Variants in PLSCR2 observed in about 807,000 individuals in gnomAD.
The protein encoded by PLSCR2 is phospholipid scramblase 2.
In PLSCR2, 18 loss-of-function variants were observed where a neutral mutation model predicts 25.3. The ratio of observed to expected loss-of-function variants is 0.71; its 90% CI spans 0.49 to 1.06. The LOEUF is 1.06. Among genes scored for constraint, PLSCR2 ranks in the 50% least tolerant of loss-of-function variants. PLSCR2 has a pLI of 0.00. For missense variants in PLSCR2, 243 were observed against 269.5 expected (o/e 0.90, Z 0.69); for synonymous variants, 88 against 87.3 (o/e 1.01, Z -0.04).
At chr3:146,445,206 C>G (rs2108274603) in intron 6 of PLSCR2, among the ~76,000 whole-genome samples, 1 of 152,206 alleles carries the variant, frequency 6.6e-6, no homozygotes, top group South Asian at 2.1e-4. Flanking sequence ...ACACTACAAT[C>G]ACAGTGTTAT....
chr3:146,463,297 C>T (rs920346608), upstream of PLSCR2, among the ~76,000 whole-genome samples: 1 of 152,110 alleles, frequency 6.6e-6, no homozygotes, highest in Non-Finnish European at 1.5e-5. Flanking sequence ...CTGTCTCGGA[C>T]TCCGGAGTAG....
At chr3:146,396,800 G>A (rs980014019) in intron 2 of PLSCR2, among the ~76,000 whole-genome samples, 5 of 152,090 alleles carry the variant, frequency 3.3e-5, no homozygotes, top group African/African-American at 1.2e-4. Flanking sequence ...TATGGGAAAC[G>A]AGAAATATCA....
chr3:146,480,002 A>C (rs1180554343), intron 1 of PLSCR2, among the ~76,000 whole-genome samples: 1 of 152,212 alleles, frequency 6.6e-6, no homozygotes, highest in Admixed American at 6.5e-5. Flanking sequence ...TAAATAACAA[A>C]ATGAAGGCAA....
At chr3:146,424,299 A>G (rs1265242905) in intron 2 of PLSCR2, among the ~76,000 whole-genome samples, 3 of 151,966 alleles carry the variant, frequency 2.0e-5, no homozygotes, top group Non-Finnish European at 4.4e-5. Flanking sequence ...GAAGACACTA[A>G]CCCTTTGGGA....
chr3:146,408,166 C>T (rs760405922), intron 2 of PLSCR2, among the ~76,000 whole-genome samples: 3 of 152,120 alleles, frequency 2.0e-5, no homozygotes, highest in Admixed American at 6.5e-5. Context: ...TTGCTGCAGC[C>T]GCTACAGCTC....
At chr3:146,410,375 G>C (rs2038804558) in intron 2 of PLSCR2, among the ~76,000 whole-genome samples, 1 of 152,150 alleles carries the variant, frequency 6.6e-6, no homozygotes, top group African/African-American at 2.4e-5. Context: ...CTGCAGGGTG[G>C]CTGTTTTGAA....
upstream of PLSCR2, among the ~76,000 whole-genome samples, chr3:146,463,208 C>T (rs1281773039): frequency 1.3e-5 from 2 of 152,090 alleles, no homozygotes; most frequent in Admixed American, 6.6e-5. Context: ...TTTTTTGAGA[C>T]GGAGTCTCGC....
rs142677336 is a variant in PLSCR2 at position 146,478,735 on chromosome 3, C to T, written c.-293+17160G>A. Reference sequence around the variant, plus strand: ...CAGGCCAATGTTCAAATTCAGGAAACATAGAGAACACCACAAAGATACTCC... The same window carrying T: ...CAGGCCAATGTTCAAATTCAGGAAATATAGAGAACACCACAAAGATACTCC... On this transcript the variant is annotated intron_variant, in intron 1 of 8. Transcript: ENST00000336685. 8.9e-3 allele frequency among the ~76,000 whole-genome samples: 1,347 copies of T among 152,196 alleles called. 7 individuals carry two copies. The highest frequency in any genetic ancestry group is 0.031 in the Middle Eastern group (9 of 294).
At chr3:146,410,252 C>G (rs1447402656) in intron 2 of PLSCR2, among the ~76,000 whole-genome samples, 1 of 152,058 alleles carries the variant, frequency 6.6e-6, no homozygotes, top group East Asian at 1.9e-4. Context: ...CACGGAGGAA[C>G]AGAGTAGGAA....
chr3:146,469,777 C>A (rs2042038993), intron 1 of PLSCR2, among the ~76,000 whole-genome samples: 1 of 94,542 alleles, frequency 1.1e-5, no homozygotes, highest in Non-Finnish European at 2.2e-5. Flanking sequence ...CGCGACTGCA[C>A]CCACCCCCCC....
chr3:146,447,846 T>C (rs1470324839), intron 6 of PLSCR2, among the ~76,000 whole-genome samples: 2 of 152,136 alleles, frequency 1.3e-5, no homozygotes, highest in Non-Finnish European at 2.9e-5. Context: ...GGTAGCGAGG[T>C]TTGTCAGAAC....
chr3:146,477,968 G>A (rs374975900), intron 1 of PLSCR2, among the ~76,000 whole-genome samples: 40 of 152,306 alleles, frequency 2.6e-4, no homozygotes, highest in South Asian at 6.2e-4. Context: ...GGCAAACAGC[G>A]TCTGGAGTGG....
At chr3:146,430,887 A>T (rs370555318), downstream of PLSCR2, among the ~76,000 whole-genome samples, 1 of 151,546 alleles carries the variant, frequency 6.6e-6, no homozygotes. Context: ...AATACAAAAC[A>T]CAGCTCCATC....
At chr3:146,405,418 G>A (rs1453584886) in intron 2 of PLSCR2, among the ~76,000 whole-genome samples, 3 of 152,166 alleles carry the variant, frequency 2.0e-5, no homozygotes, top group Middle Eastern at 3.4e-3. Context: ...CTTGAGGAAG[G>A]GGCTGCCAGT....
intron 2 of PLSCR2, among the ~76,000 whole-genome samples, chr3:146,406,457 T>C (rs1477626433): frequency 6.6e-6 from 1 of 152,128 alleles, no homozygotes; most frequent in East Asian, 1.9e-4. Flanking sequence ...ATAAATCAAC[T>C]GCAAAGGAGA....
intron 4 of PLSCR2, 49 bp downstream of exon 4, chr3:146,455,190 A>T: frequency 8.2e-7 from 1 of 1,224,988 alleles, no homozygotes. Flanking sequence ...AAAGGGTGGA[A>T]ATCCTTGCTG....
At chr3:146,432,170 A>G (rs1201189876), downstream of PLSCR2, among the ~76,000 whole-genome samples, 2 of 152,284 alleles carry the variant, frequency 1.3e-5, no homozygotes, top group African/African-American at 4.8e-5. Context: ...ATCTGTATGA[A>G]CTTACCGTGT....
At chr3:146,451,113 T>C (rs886425262) in intron 5 of PLSCR2, among the ~76,000 whole-genome samples, 20 of 140,712 alleles carry the variant, frequency 1.4e-4, no homozygotes, top group East Asian at 1.2e-3. Context: ...TTTTCTTTTT[T>C]TTTTTTTTTT....
exon 5 of PLSCR2, chr3:146,454,091 A>G (rs1351439087): frequency 2.7e-5 from 44 of 1,610,644 alleles, no homozygotes; most frequent in Non-Finnish European, 3.5e-5. Context: ...TTAATTGTAA[A>G]CTTTGTTAGA....
Sources: allele counts gnomAD v4.1 joint callset (sites outside exome capture counted in the v4.1 genomes callset), GRCh38; gene constraint gnomAD v4.1.1; transcripts MANE v1.5; gene names NCBI Gene and HGNC (gene_info 2026-07-23, HGNC 2026-07-21).